Variants in ASTN1 observed in about 807,000 individuals in gnomAD.
ASTN1 encodes the protein astrotactin-1.
Under a neutral mutation model 140.7 loss-of-function variants are expected in ASTN1, and 41 were observed. That is an observed-to-expected ratio of 0.29 (90% CI 0.23 to 0.38). ASTN1 has a LOEUF of 0.38. Ranked by LOEUF, ASTN1 falls within the 10% of genes least tolerant of loss-of-function variation. ASTN1 has a pLI of 1.00. For synonymous variants in ASTN1, 640 were observed against 652.2 expected (o/e 0.98, Z 0.29); for missense variants, 1,479 against 1,678.8 (o/e 0.88, Z 2.08).
intron 17 of ASTN1, among the ~76,000 whole-genome samples, chr1:176,892,740 A>G (rs894670754): frequency 6.6e-6 from 1 of 152,238 alleles, no homozygotes; most frequent in African/African-American, 2.4e-5. Flanking sequence ...AAATAAAAAC[A>G]CACATTGAAT....
chr1:177,123,030 A>C (rs1426194546), intron 1 of ASTN1, among the ~76,000 whole-genome samples: 1 of 152,170 alleles, frequency 6.6e-6, no homozygotes, highest in Non-Finnish European at 1.5e-5. Context: ...GGGAGTGTGC[A>C]GTGCAGCTGG....
chr1:176,859,965 T>G (rs1667916678), downstream of ASTN1, among the ~76,000 whole-genome samples: 2 of 152,056 alleles, frequency 1.3e-5, no homozygotes, highest in African/African-American at 2.4e-5. Flanking sequence ...AGTCTTGGGG[T>G]CTCAATACAG....
intron 20 of ASTN1, among the ~76,000 whole-genome samples, chr1:176,877,546 A>T (rs1668616160): frequency 6.6e-6 from 1 of 152,192 alleles, no homozygotes; most frequent in Non-Finnish European, 1.5e-5. Context: ...CCTGGCTATT[A>T]AAGGCTGAAA....
downstream of ASTN1, among the ~76,000 whole-genome samples, chr1:176,860,030 C>A (rs1240510627): frequency 2.6e-5 from 4 of 152,032 alleles, no homozygotes; most frequent in Non-Finnish European, 4.4e-5. Context: ...GACTGTGGAC[C>A]AGAGTGCTGC....
intron 12 of ASTN1, among the ~76,000 whole-genome samples, chr1:176,948,725 T>C (rs1368962011): frequency 2.6e-5 from 4 of 152,178 alleles, no homozygotes; most frequent in African/African-American, 9.7e-5. Flanking sequence ...GCTGGGACTT[T>C]GGGGGCAGAA....
intron 22 of ASTN1, among the ~76,000 whole-genome samples, chr1:176,868,202 A>G (rs1668198843): frequency 6.6e-6 from 1 of 152,220 alleles, no homozygotes; most frequent in African/African-American, 2.4e-5. Flanking sequence ...TGATTAACAG[A>G]ACAAAAGAAA....
chr1:176,940,919 T>C (rs1671687735), intron 14 of ASTN1, among the ~76,000 whole-genome samples: 1 of 152,234 alleles, frequency 6.6e-6, no homozygotes, highest in African/African-American at 2.4e-5. Context: ...GAAACTTCTC[T>C]AATGTCGAGG....
intron 8 of ASTN1, among the ~76,000 whole-genome samples, chr1:177,000,866 G>A (rs1384662460): frequency 2.0e-5 from 3 of 152,196 alleles, no homozygotes; most frequent in African/African-American, 7.2e-5. Context: ...ATGGCTGTAG[G>A]AGGGATTTCT....
At position 177,147,206 on chromosome 1, in the gene ASTN1, A is replaced by G. The variant is rs186370745; in HGVS notation, c.283+17188T>C. 3.4e-4 allele frequency among the ~76,000 whole-genome samples: 52 copies of G among 152,276 alleles called. 1 individual carries two copies. Among genetic ancestry groups the G allele is most frequent in the African/African-American group, 1.2e-3 (48 of 41,562 alleles). On this transcript the variant is annotated intron_variant, in intron 1 of 22. Transcript: ENST00000361833. ...AGACAACTGATTTCTTAATATTATG[A>G]TGAAAATAGTTTTCACTACAAAGAC...
chr1:177,006,617 T>C (rs780853226), intron 8 of ASTN1, among the ~76,000 whole-genome samples: 6 of 152,180 alleles, frequency 3.9e-5, no homozygotes, highest in South Asian at 2.1e-4. Context: ...ATTGAAACAA[T>C]TTATCTTCCA....
chr1:176,996,350 G>A (rs1425338962), intron 8 of ASTN1, among the ~76,000 whole-genome samples: 1 of 151,572 alleles, frequency 6.6e-6, no homozygotes, highest in African/African-American at 2.4e-5. Flanking sequence ...AAGAGAAAGA[G>A]ATTTCTAACT....
At chr1:176,898,883 T>C (rs950237784) in intron 16 of ASTN1, among the ~76,000 whole-genome samples, 17 of 152,130 alleles carry the variant, frequency 1.1e-4, no homozygotes, top group Admixed American at 2.6e-4. Context: ...AATATTCTAG[T>C]CCAATAAATA....
intron 2 of ASTN1, among the ~76,000 whole-genome samples, chr1:177,039,022 T>C (rs1676856615): frequency 1.3e-5 from 2 of 152,204 alleles, no homozygotes; most frequent in African/African-American, 2.4e-5. Context: ...AATAAAAGAA[T>C]CTGGATCTAT....
rs1557922463 is a variant in ASTN1 at position 176,869,092 on chromosome 1, CA to C, written c.3464-66del. ...ATATAATAATGTATATATATACACA[CA>C]TTATATATGATCTATATCATATAGA... On this transcript the variant is annotated intron_variant, in intron 21 of 22. Coordinates refer to ENST00000361833, the MANE Select transcript of ASTN1 (RefSeq NM_004319.3). 5 of 1,109,502 alleles carry C rather than the reference CA, an allele frequency of 4.5e-6. No homozygotes were observed. In the African/African-American group the frequency reaches 6.4e-5, roughly 14 times the overall value. The allele number at this position is 1,109,502 out of a possible 1,614,324, so 68.7% of individuals were successfully genotyped here.
At chr1:176,895,986 A>T (rs1463997291) in intron 16 of ASTN1, among the ~76,000 whole-genome samples, 2 of 152,208 alleles carry the variant, frequency 1.3e-5, no homozygotes, top group Non-Finnish European at 2.9e-5. Flanking sequence ...GCAATGGACA[A>T]TGGGCTGGAC....
intron 1 of ASTN1, among the ~76,000 whole-genome samples, chr1:177,075,064 C>A (rs1316099966): frequency 5.3e-5 from 8 of 151,992 alleles, no homozygotes; most frequent in Non-Finnish European, 5.9e-5. Context: ...CTATTAAATT[C>A]TTCCAATTTC....
intron 7 of ASTN1, among the ~76,000 whole-genome samples, chr1:177,016,760 T>G (rs1675565978): frequency 6.6e-6 from 1 of 152,196 alleles, no homozygotes; most frequent in Non-Finnish European, 1.5e-5. Flanking sequence ...AATAAATTAA[T>G]TAAAGGATTT....
At chr1:176,904,217 C>A (rs1669887857) in intron 16 of ASTN1, among the ~76,000 whole-genome samples, 1 of 152,172 alleles carries the variant, frequency 6.6e-6, no homozygotes, top group Non-Finnish European at 1.5e-5. Flanking sequence ...TGAGGACTCA[C>A]TTATTGGCCA....
intron 8 of ASTN1, among the ~76,000 whole-genome samples, chr1:176,981,211 CAAAAAAAAA>C (rs35209486): frequency 1.2e-3 from 29 of 24,056 alleles, no homozygotes; most frequent in South Asian, 3.2e-3. Flanking sequence ...GACTCTGTCT[CAAAAAAAAA>C]AAAAAAAAAA....
Sources: allele counts gnomAD v4.1 joint callset (sites outside exome capture counted in the v4.1 genomes callset), GRCh38; gene constraint gnomAD v4.1.1; transcripts MANE v1.5; gene names NCBI Gene and HGNC (gene_info 2026-07-23, HGNC 2026-07-21).